WDR37: variants seen among roughly 807,000 people sequenced by gnomAD.
WDR37 encodes the protein WD repeat domain 37.
In WDR37, 19 loss-of-function variants were observed where a neutral mutation model predicts 62.9. That is an observed-to-expected ratio of 0.30 (90% CI 0.21 to 0.44). The LOEUF (loss-of-function observed/expected upper bound fraction) is 0.44, where lower values mean the gene tolerates loss of function less well. Ranked by LOEUF, WDR37 falls within the 20% of genes least tolerant of loss-of-function variation. The pLI is 1.00. For missense variants in WDR37, 474 were observed against 657.6 expected (o/e 0.72, Z 3.05); for synonymous variants, 250 against 260.9 (o/e 0.96, Z 0.40).
intron 11 of WDR37, among the ~76,000 whole-genome samples, chr10:1,106,966 C>T (rs1835042991): frequency 6.6e-6 from 1 of 152,248 alleles, no homozygotes; most frequent in South Asian, 2.1e-4. Flanking sequence ...CATTAAACTG[C>T]TCCGTCCTGA....
intron 13 of WDR37, among the ~76,000 whole-genome samples, chr10:1,125,286 A>G (rs906559628): frequency 1.3e-5 from 2 of 151,166 alleles, no homozygotes; most frequent in Middle Eastern, 3.4e-3. Context: ...GCATGATCTC[A>G]CGGCAACCTC....
chr10:1,082,476 C>A (rs1255503056), intron 5 of WDR37, among the ~76,000 whole-genome samples: 1 of 152,186 alleles, frequency 6.6e-6, no homozygotes, highest in Non-Finnish European at 1.5e-5. Flanking sequence ...CTTATCTTCT[C>A]AAAAATATTT....
At chr10:1,101,557 G>GC (rs1422728730) in intron 9 of WDR37, among the ~76,000 whole-genome samples, 1 of 152,174 alleles carries the variant, frequency 6.6e-6, no homozygotes, top group Non-Finnish European at 1.5e-5. Context: ...CCACAGTTCT[G>GC]CCCATAGCAG....
At chr10:1,070,965 T>C (rs1430858549) in intron 1 of WDR37, among the ~76,000 whole-genome samples, 2 of 151,928 alleles carry the variant, frequency 1.3e-5, no homozygotes, top group African/African-American at 4.8e-5. Flanking sequence ...GTCTAAGGAG[T>C]TGATAATGAA....
intron 8 of WDR37, 138 bp downstream of exon 8, chr10:1,093,634 G>A (rs1290469532): frequency 6.7e-6 from 5 of 746,292 alleles, no homozygotes; most frequent in Non-Finnish European, 1.1e-5. Context: ...TGAATTAAAT[G>A]AGAAATGGAT....
At chr10:1,095,765 G>A (rs1020896349) in intron 8 of WDR37, among the ~76,000 whole-genome samples, 9 of 152,194 alleles carry the variant, frequency 5.9e-5, no homozygotes, top group South Asian at 2.1e-4. Context: ...TTGAAAGGCC[G>A]CGTGTGTGTT....
At chr10:1,100,451 C>T (rs564030497) in intron 9 of WDR37, among the ~76,000 whole-genome samples, 20 of 152,204 alleles carry the variant, frequency 1.3e-4, no homozygotes, top group Non-Finnish European at 2.5e-4. Flanking sequence ...AAGCTTTTGC[C>T]GGCCAGTGTT....
chr10:1,129,170 T>A (rs1331543644), intron 13 of WDR37, 43 bp from the exon 14 acceptor site: 1 of 1,602,230 alleles, frequency 6.2e-7, no homozygotes, highest in African/African-American at 1.3e-5. Context: ...AATCTTACTT[T>A]CGGGAATAAT....
intron 9 of WDR37, among the ~76,000 whole-genome samples, chr10:1,099,077 G>T (rs1834700793): frequency 6.6e-6 from 1 of 152,228 alleles, no homozygotes; most frequent in Non-Finnish European, 1.5e-5. Context: ...GGTAACAAAA[G>T]ATGTGTATTG....
chr10:1,071,807 C>CG (rs897328796), intron 1 of WDR37, among the ~76,000 whole-genome samples: 1 of 152,038 alleles, frequency 6.6e-6, no homozygotes, highest in Non-Finnish European at 1.5e-5. Context: ...TTGGTTCCCT[C>CG]GGGGGAGTAG....
Position 1,128,723 on chromosome 10 carries a change from C to T in WDR37, c.1354-490C>T, listed in dbSNP as rs115102538. Among the ~76,000 whole-genome samples, 499 of 152,308 alleles carry T rather than the reference C, an allele frequency of 3.3e-3. 4 individuals carry two copies. The highest frequency in any genetic ancestry group is 0.011 in the African/African-American group (473 of 41,558). ...GAAGGACTCATACAGTGCTTTTGGG[C>T]GGGTTCCACCAACCCTCGTGCTCAC... On this transcript the variant is annotated intron_variant, in intron 13 of 13. Coordinates refer to ENST00000263150, the MANE Select transcript of WDR37 (RefSeq NM_014023.4).
rs533527397 is a variant in WDR37 at position 1,105,731 on chromosome 10, G to A, written c.1103+464G>A. On this transcript the variant is annotated intron_variant, in intron 11 of 13. Coordinates refer to ENST00000263150, the MANE Select transcript of WDR37 (RefSeq NM_014023.4). The surrounding 1 kb of genome is among the most constrained non-coding windows in gnomAD (Gnocchi z 5.3). ...ACATAGACGCGCAAACACAGACATAGACCCTCAATCCAGTGTGTCCCTCTC... is the reference window on the plus strand; with the variant it reads ...ACATAGACGCGCAAACACAGACATAAACCCTCAATCCAGTGTGTCCCTCTC... Among the ~76,000 whole-genome samples the A allele has an allele frequency of 2.0e-5, 3 of 152,200 alleles. No homozygotes were observed. Among genetic ancestry groups the A allele is most frequent in the African/African-American group, 7.2e-5 (3 of 41,536 alleles).
intron 11 of WDR37, among the ~76,000 whole-genome samples, chr10:1,115,406 T>C (rs1289730188): frequency 6.6e-6 from 1 of 152,228 alleles, no homozygotes; most frequent in Admixed American, 6.5e-5. Context: ...CATGTTTGTG[T>C]GCTTTTATTT....
chr10:1,119,587 T>TTGTAGCTTTGCTG (rs556495585), intron 11 of WDR37, among the ~76,000 whole-genome samples: 40 of 152,356 alleles, frequency 2.6e-4, no homozygotes, highest in African/African-American at 7.7e-4. Flanking sequence ...CAGAGGCTTC[T>TTGTAGCTTTGCTG]TGTAGCTTTG....
chr10:1,105,560 G>T lies in WDR37; in HGVS notation c.1103+293G>T, dbSNP rs958087544. Among the ~76,000 whole-genome samples, 2 of 152,164 alleles carry T rather than the reference G, an allele frequency of 1.3e-5. No individual in the cohort carries two copies. The highest frequency in any genetic ancestry group is 2.4e-5 in the African/African-American group (1 of 41,438). On this transcript the variant is annotated intron_variant, in intron 11 of 13. Coordinates refer to ENST00000263150, the MANE Select transcript of WDR37 (RefSeq NM_014023.4). The surrounding 1 kb of genome is among the most constrained non-coding windows in gnomAD (Gnocchi z 5.3). ...GTTAGAGAAGAGCAGGGCTGCCAGAGCCTGTAGCTGAGCACAGGGGCCGGC... is the reference window on the plus strand; with the variant it reads ...GTTAGAGAAGAGCAGGGCTGCCAGATCCTGTAGCTGAGCACAGGGGCCGGC...
chr10:1,090,449 G>A (rs1259006845), intron 7 of WDR37, among the ~76,000 whole-genome samples: 9 of 152,190 alleles, frequency 5.9e-5, no homozygotes, highest in African/African-American at 1.9e-4. Flanking sequence ...GTGAGCCACC[G>A]TGCCCGGCCT....
chr10:1,092,725 G>T (rs1834436484), intron 7 of WDR37, among the ~76,000 whole-genome samples: 1 of 151,654 alleles, frequency 6.6e-6, no homozygotes, highest in African/African-American at 2.4e-5. Flanking sequence ...CCCCAAACTA[G>T]TCAGGTGTGG....
At chr10:1,089,444 T>G (rs1834309313) in intron 7 of WDR37, among the ~76,000 whole-genome samples, 1 of 152,160 alleles carries the variant, frequency 6.6e-6, no homozygotes, top group Non-Finnish European at 1.5e-5. Context: ...TTTTGCTGTT[T>G]ATCTGCAGCT....
At chr10:1,072,674 A>C (rs1589081664) in intron 2 of WDR37, among the ~76,000 whole-genome samples, 1 of 107,996 alleles carries the variant, frequency 9.3e-6, no homozygotes, top group South Asian at 3.8e-4. Context: ...AGCCAAATAT[A>C]TAAAGGTCTC....
Sources: allele counts gnomAD v4.1 joint callset (sites outside exome capture counted in the v4.1 genomes callset), GRCh38; gene constraint gnomAD v4.1.1; non-coding constraint Gnocchi (gnomAD v3.1); transcripts MANE v1.5; gene names NCBI Gene and HGNC (gene_info 2026-07-23, HGNC 2026-07-21).